The following NBEA variants were observed in gnomAD, a reference collection of about 807,000 sequenced individuals.
The protein encoded by NBEA is neurobeachin.
A neutral mutation model predicts 343.4 loss-of-function variants in NBEA; 44 were observed. The observed-to-expected ratio is 0.13, with a 90% CI of 0.10 to 0.16. NBEA has a LOEUF of 0.16. NBEA is among the 10% of genes least tolerant of loss of function. The pLI is 1.00. For missense variants in NBEA, 2,555 were observed against 3,631.3 expected (o/e 0.70, Z 7.62); for synonymous variants, 1,175 against 1,238.7 (o/e 0.95, Z 1.08).
chr13:35,581,834 GTAAC>G (rs939478636), intron 45 of NBEA, among the ~76,000 whole-genome samples: 2 of 144,998 alleles, frequency 1.4e-5, no homozygotes, highest in Non-Finnish European at 3.0e-5. Context: ...GTATACATAT[GTAAC>G]TAACCTGCAC....
At chr13:35,174,407 C>T (rs569310854) in intron 27 of NBEA, among the ~76,000 whole-genome samples, 1 of 152,196 alleles carries the variant, frequency 6.6e-6, no homozygotes, top group African/African-American at 2.4e-5. Flanking sequence ...TCTGTTATCA[C>T]TCATTACACT....
chr13:35,501,080 TA>T (rs2076870190), intron 41 of NBEA, among the ~76,000 whole-genome samples: 1 of 152,098 alleles, frequency 6.6e-6, no homozygotes, highest in Non-Finnish European at 1.5e-5. Context: ...ACACACAAAG[TA>T]AAGATTTATC....
chr13:35,350,034 G>C (rs2040100689), intron 37 of NBEA, among the ~76,000 whole-genome samples: 1 of 152,056 alleles, frequency 6.6e-6, no homozygotes, highest in South Asian at 2.1e-4. Context: ...AAAGATACCA[G>C]ATATTTTAAA....
At chr13:35,524,382 C>T (rs1023306097) in intron 41 of NBEA, among the ~76,000 whole-genome samples, 3 of 152,148 alleles carry the variant, frequency 2.0e-5, no homozygotes, top group African/African-American at 7.2e-5. Context: ...GCCTCCAAGC[C>T]CTTGTACTGC....
chr13:35,464,153 C>T (rs1409400165), intron 40 of NBEA, among the ~76,000 whole-genome samples: 1 of 152,068 alleles, frequency 6.6e-6, no homozygotes, highest in Non-Finnish European at 1.5e-5. Context: ...ACCATCTTCT[C>T]GGGAGAATGT....
At chr13:35,424,677 G>A (rs1034165529) in intron 38 of NBEA, among the ~76,000 whole-genome samples, 1 of 152,168 alleles carries the variant, frequency 6.6e-6, no homozygotes, top group Non-Finnish European at 1.5e-5. Context: ...ATGAGTTAGG[G>A]AGGATTCCCT....
intron 48 of NBEA, among the ~76,000 whole-genome samples, chr13:35,610,296 G>A (rs2082447924): frequency 6.6e-6 from 1 of 152,192 alleles, no homozygotes; most frequent in African/African-American, 2.4e-5. Flanking sequence ...AGGAGGCTGA[G>A]GTGGGAGGAT....
At chr13:35,485,551 A>T in intron 41 of NBEA, among the ~76,000 whole-genome samples, 1 of 152,098 alleles carries the variant, frequency 6.6e-6, no homozygotes, top group Non-Finnish European at 1.5e-5. Context: ...CGTAAAATAT[A>T]CTTGATCCTC....
Position 35,044,603 on chromosome 13 carries a change from G to GGTGTGTGTGT in NBEA, c.527-311_527-302dup, listed in dbSNP as rs3045194. Among the ~76,000 whole-genome samples, 246 of 142,598 alleles carry GGTGTGTGTGT rather than the reference G, an allele frequency of 1.7e-3. 3 individuals are homozygous for GGTGTGTGTGT. The highest frequency in any genetic ancestry group is 2.5e-3 in the South Asian group (11 of 4,358). The allele number at this position is 142,598 out of a possible 152,430, so 93.5% of individuals were successfully genotyped here. On this transcript the variant is annotated intron_variant, in intron 2 of 58. Transcript: ENST00000379939. ...CCCTGCACACAGCAGGCTGTGTTGT[G>GGTGTGTGTGT]GTGTGTGTGTGTGTGTGTGTGTGTG... is the stretch of plus-strand genomic sequence containing the variant.
At chr13:35,041,636 T>C (rs1593555407) in intron 2 of NBEA, among the ~76,000 whole-genome samples, 1 of 152,066 alleles carries the variant, frequency 6.6e-6, no homozygotes, top group East Asian at 1.9e-4. Flanking sequence ...ATATGTCCAT[T>C]TTGGAAGAAA....
At chr13:35,592,168 T>A (rs532965753) in intron 46 of NBEA, among the ~76,000 whole-genome samples, 22 of 152,240 alleles carry the variant, frequency 1.4e-4, no homozygotes, top group Admixed American at 7.2e-4. Context: ...ATAAAGTTAT[T>A]CCTAGGTTTT....
At chr13:35,163,424 C>T (rs1298571334) in intron 23 of NBEA, among the ~76,000 whole-genome samples, 2 of 151,712 alleles carry the variant, frequency 1.3e-5, no homozygotes, top group African/African-American at 2.4e-5. Flanking sequence ...GAGGCCAAGG[C>T]GGGAGGATAG....
intron 17 of NBEA, among the ~76,000 whole-genome samples, chr13:35,129,137 C>G (rs139835611): frequency 1.3e-4 from 19 of 151,754 alleles, no homozygotes; most frequent in African/African-American, 4.3e-4. Flanking sequence ...GTGCAGCACA[C>G]CAACATGGCA....
chr13:35,365,668 ATATTTT>A (rs1188287657), intron 38 of NBEA, among the ~76,000 whole-genome samples: 12 of 151,638 alleles, frequency 7.9e-5, no homozygotes, highest in African/African-American at 2.2e-4. Context: ...TTTGGTTTAG[ATATTTT>A]TATTTATATA....
intron 34 of NBEA, among the ~76,000 whole-genome samples, chr13:35,233,254 G>C (rs567109541): frequency 7.9e-4 from 120 of 152,094 alleles, no homozygotes; most frequent in Non-Finnish European, 1.3e-3. Context: ...TGATCTGTAG[G>C]TGAATAATGG....
chr13:34,967,586 C>A (rs1414551485), intron 1 of NBEA, among the ~76,000 whole-genome samples: 1 of 151,888 alleles, frequency 6.6e-6, no homozygotes, highest in South Asian at 2.1e-4. Flanking sequence ...ATACATAAAT[C>A]GGTAGTGTGT....
chr13:35,314,774 A>G (rs914851778), intron 36 of NBEA, among the ~76,000 whole-genome samples: 2 of 152,162 alleles, frequency 1.3e-5, no homozygotes, highest in Admixed American at 6.5e-5. Context: ...TACAGCTGCT[A>G]TAAGTCCTTA....
At chr13:35,287,916 T>G (rs2152816223) in intron 34 of NBEA, among the ~76,000 whole-genome samples, 1 of 152,128 alleles carries the variant, frequency 6.6e-6, no homozygotes, top group African/African-American at 2.4e-5. Context: ...TTCAAATGAG[T>G]CAGCATATAT....
In NBEA at chr13:35,467,386, C is replaced by T. The variant is rs1424588772; in HGVS notation, c.6449-5014C>T. Among the ~76,000 whole-genome samples, 15 of 152,048 alleles carry T rather than the reference C, an allele frequency of 9.9e-5. 1 individual carries two copies. In the South Asian group the frequency reaches 2.9e-3, roughly 29 times the overall value. ...CCTTGGGAGGCCGAGGCAGGAGAAT[C>T]GCTTAAACCGGGAGGCGGAGCTTGC... On this transcript the variant is annotated intron_variant, in intron 40 of 58. Transcript: ENST00000379939.
Sources: gnomAD v4.1 joint callset for allele counts (sites outside exome capture counted in the v4.1 genomes callset) on GRCh38, gnomAD v4.1.1 for gene constraint, MANE v1.5 for transcripts, NCBI Gene and HGNC (gene_info 2026-07-23, HGNC 2026-07-21) for gene names.